The following KIF13A variants were observed in gnomAD, a reference collection of about 807,000 sequenced individuals.
KIF13A encodes kinesin-like protein KIF13A.
Under a neutral mutation model 212.2 loss-of-function variants are expected in KIF13A, and 79 were observed. That is an observed-to-expected ratio of 0.37 (90% CI 0.31 to 0.45). The LOEUF (loss-of-function observed/expected upper bound fraction) is 0.45. Ranked by LOEUF, KIF13A falls within the 20% of genes least tolerant of loss-of-function variation. KIF13A has a pLI of 1.00. For synonymous variants in KIF13A, 789 were observed against 808.6 expected (o/e 0.98, Z 0.41); for missense variants, 1,901 against 2,209.0 (o/e 0.86, Z 2.79).
rs919810883 is a variant in KIF13A at position 17,851,799 on chromosome 6, C to A, written c.582+156G>T. Among the ~76,000 whole-genome samples the A allele has an allele frequency of 2.0e-5, 3 of 152,222 alleles. No homozygotes were observed. In the South Asian group the frequency reaches 6.2e-4, roughly 31 times the overall value. ...AGCTTGAAGAGTGTGATTAAAAGCC[C>A]TTTTCCTCTCTGTTTGCGGTGTGCT... On this transcript the variant is annotated intron_variant, in intron 7 of 38. Transcript: ENST00000259711.
rs1771281712 is a variant in KIF13A at position 17,883,635 on chromosome 6, T to C, written c.160-10198A>G. Among the ~76,000 whole-genome samples, 1 of 152,318 alleles carries C rather than the reference T, an allele frequency of 6.6e-6. No homozygotes were observed. The highest frequency in any genetic ancestry group is 2.4e-5 in the African/African-American group (1 of 41,572). ...TGCTTTCCCAAAAAGACATAAGAAA[T>C]GACCCTATTCATCTGTATATTACGT... On this transcript the variant is annotated intron_variant, in intron 3 of 38. Coordinates refer to ENST00000259711, the MANE Select transcript of KIF13A (RefSeq NM_022113.6). The surrounding 1 kb of genome is among the most constrained non-coding windows in gnomAD (Gnocchi z 4.8).
intron 2 of KIF13A, among the ~76,000 whole-genome samples, chr6:17,966,896 G>A (rs577990934): frequency 6.6e-6 from 1 of 152,298 alleles, no homozygotes; most frequent in South Asian, 2.1e-4. Flanking sequence ...GCACAGTGAG[G>A]TTAAGCAGCG....
intron 3 of KIF13A, among the ~76,000 whole-genome samples, chr6:17,880,961 T>C (rs767587885): frequency 1.3e-5 from 2 of 152,288 alleles, no homozygotes; most frequent in South Asian, 2.1e-4. Context: ...CAACCAAGTA[T>C]AAATTTTACA....
intron 3 of KIF13A, among the ~76,000 whole-genome samples, chr6:17,884,477 C>T (rs1337450498): frequency 6.6e-6 from 1 of 152,172 alleles, no homozygotes; most frequent in African/African-American, 2.4e-5. Context: ...CATCTTTATT[C>T]TCTCTAGGTA....
At chr6:17,767,231 T>C (rs1263958187) in intron 38 of KIF13A, among the ~76,000 whole-genome samples, 1 of 151,900 alleles carries the variant, frequency 6.6e-6, no homozygotes, top group Admixed American at 6.6e-5. Context: ...GATTCTCTAC[T>C]TGTCATGTTT....
chr6:17,805,390 T>TGTGTGC, intron 19 of KIF13A, 85 bp downstream of exon 19: 1 of 556,800 alleles, frequency 1.8e-6, no homozygotes, highest in African/African-American at 1.8e-5. Context: ...TGTGTGTGTG[T>TGTGTGC]GTGTGTGTGT....
At chr6:17,802,855 C>A (rs966977859) in intron 20 of KIF13A, among the ~76,000 whole-genome samples, 1 of 151,752 alleles carries the variant, frequency 6.6e-6, no homozygotes, top group Non-Finnish European at 1.5e-5. Flanking sequence ...GTGATCCTCC[C>A]ACCTCAGCCT....
intron 2 of KIF13A, among the ~76,000 whole-genome samples, chr6:17,983,806 G>C (rs569770642): frequency 1.3e-5 from 2 of 152,058 alleles, no homozygotes; most frequent in Admixed American, 6.6e-5. Flanking sequence ...CCTTGCTTCT[G>C]AATGGTACTC....
intron 2 of KIF13A, among the ~76,000 whole-genome samples, chr6:17,929,186 C>T (rs1188476911): frequency 6.6e-6 from 1 of 151,812 alleles, no homozygotes; most frequent in Non-Finnish European, 1.5e-5. Context: ...TTCTTATCAC[C>T]TGGCTTTACC....
intron 2 of KIF13A, among the ~76,000 whole-genome samples, chr6:17,958,329 A>T (rs1401795147): frequency 6.6e-6 from 1 of 152,220 alleles, no homozygotes; most frequent in Non-Finnish European, 1.5e-5. Flanking sequence ...CTGGCTGTCC[A>T]TTCCTCTCAG....
At chr6:17,779,967 C>G (rs986328757) in intron 31 of KIF13A, among the ~76,000 whole-genome samples, 1 of 151,142 alleles carries the variant, frequency 6.6e-6, no homozygotes, top group African/African-American at 2.4e-5. Flanking sequence ...AGGATGGTCT[C>G]GATCTCCTGA....
chr6:17,900,178 G>A lies in KIF13A; in HGVS notation c.147-1998C>T, dbSNP rs577500923. On this transcript the variant is annotated intron_variant, in intron 2 of 38. Coordinates refer to ENST00000259711, the MANE Select transcript of KIF13A (RefSeq NM_022113.6). The surrounding 1 kb of genome is among the most constrained non-coding windows in gnomAD (Gnocchi z 4.6). ...ATGAACCCAGTAACCCAACGGGGCT[G>A]GGACAGACTAGGGGAATCCCAGTGA... Among the ~76,000 whole-genome samples, 1 of 152,146 alleles carries A rather than the reference G, an allele frequency of 6.6e-6. No homozygotes were observed. The highest frequency in any genetic ancestry group is 1.5e-5 in the Non-Finnish European group (1 of 68,030).
At chr6:17,847,240 T>A (rs893411751) in intron 9 of KIF13A, among the ~76,000 whole-genome samples, 3 of 152,180 alleles carry the variant, frequency 2.0e-5, no homozygotes, top group African/African-American at 7.2e-5. Flanking sequence ...GTGGCAATCT[T>A]TTCTTTGAAA....
chr6:17,815,826 C>T (rs1043049200), intron 17 of KIF13A, among the ~76,000 whole-genome samples: 1 of 151,884 alleles, frequency 6.6e-6, no homozygotes, highest in African/African-American at 2.4e-5. Flanking sequence ...GGTGGCTTGC[C>T]ACCCACACTC....
At chr6:17,950,467 C>G (rs1417581587) in intron 2 of KIF13A, 1 of 983,984 alleles carries the variant, frequency 1.0e-6, no homozygotes, top group Admixed American at 6.1e-5. Context: ...ATGAATTTCA[C>G]TGGTCAAATT....
At chr6:17,835,195 CAAAAAAAAAAAAAAA>C (rs61697144) in intron 11 of KIF13A, among the ~76,000 whole-genome samples, 12 of 45,950 alleles carry the variant, frequency 2.6e-4, no homozygotes, top group Non-Finnish European at 4.1e-4. Context: ...CCGCCCCCGC[CAAAAAAAAAAAAAAA>C]AAAAAAAAAA....
intron 2 of KIF13A, among the ~76,000 whole-genome samples, chr6:17,965,942 G>T (rs1779264541): frequency 6.6e-6 from 1 of 152,232 alleles, no homozygotes; most frequent in Admixed American, 6.5e-5. Flanking sequence ...TTGGGTGGCT[G>T]AGGCAGGCGG....
intron 9 of KIF13A, among the ~76,000 whole-genome samples, chr6:17,842,014 T>C (rs1435922371): frequency 4.2e-4 from 63 of 151,580 alleles, no homozygotes; most frequent in African/African-American, 1.5e-3. Context: ...TGTGTGTGTG[T>C]GTGTGTGTGT....
chr6:17,839,584 C>T lies in KIF13A; in HGVS notation c.831-2001G>A, dbSNP rs1320219480. ...CCATTGTCCTGGGTTGAACAGTATT[C>T]ATGTCCGCCAGACCCTCAGAATGTG... On this transcript the variant is annotated intron_variant, in intron 9 of 38. Transcript: ENST00000259711. This position sits in a 1 kb window ranked among gnomAD's most constrained non-coding sequence, Gnocchi z 4.3. 6.6e-6 allele frequency among the ~76,000 whole-genome samples: 1 copy of T among 152,168 alleles called. No homozygotes were observed. Among genetic ancestry groups the T allele is most frequent in the Non-Finnish European group, 1.5e-5 (1 of 68,030 alleles).
Sources: gnomAD v4.1 joint callset for allele counts (sites outside exome capture counted in the v4.1 genomes callset) on GRCh38, gnomAD v4.1.1 for gene constraint, Gnocchi (gnomAD v3.1) non-coding constraint, MANE v1.5 for transcripts, NCBI Gene and HGNC (gene_info 2026-07-23, HGNC 2026-07-21) for gene names.